The following APPBP2 variants were observed in gnomAD, a reference collection of about 807,000 sequenced individuals.
The protein encoded by APPBP2 is amyloid beta precursor protein binding protein 2.
Under a neutral mutation model 76.0 loss-of-function variants are expected in APPBP2, and 15 were observed. The ratio of observed to expected loss-of-function variants is 0.20; its 90% CI spans 0.13 to 0.30. APPBP2 has a LOEUF of 0.30. Among genes scored for constraint, APPBP2 ranks in the 10% least tolerant of loss-of-function variants. APPBP2 has a pLI of 1.00. For synonymous variants in APPBP2, 222 were observed against 242.2 expected (o/e 0.92, Z 0.77); for missense variants, 401 against 687.2 (o/e 0.58, Z 4.66).
In APPBP2 at chr17:60,447,524, C is replaced by T; in HGVS notation, c.*57G>A. 6.5e-7 allele frequency: 1 copy of T among 1,534,804 alleles called. No individual in the cohort carries two copies. Among genetic ancestry groups the T allele is most frequent in the Non-Finnish European group, 8.8e-7 (1 of 1,142,300 alleles). ...CCCCAAAACAACATGGTTTTGATTTCACAGTATGAATTCCCTGGAATCCGG... is the reference window on the plus strand; with the variant it reads ...CCCCAAAACAACATGGTTTTGATTTTACAGTATGAATTCCCTGGAATCCGG... On this transcript the variant is annotated 3_prime_UTR_variant, in exon 13 of 13. Coordinates refer to ENST00000083182, the MANE Select transcript of APPBP2 (RefSeq NM_006380.5).
chr17:60,469,399 G>A (rs1312914084), intron 4 of APPBP2, among the ~76,000 whole-genome samples: 2 of 149,224 alleles, frequency 1.3e-5, no homozygotes, highest in African/African-American at 5.1e-5. Flanking sequence ...AATAAAGACC[G>A]GTATGGGTTT....
intron 4 of APPBP2, among the ~76,000 whole-genome samples, chr17:60,469,059 C>G (rs1427121663): frequency 6.6e-6 from 1 of 151,898 alleles, no homozygotes; most frequent in African/African-American, 2.4e-5. Flanking sequence ...GTGTCTTTTT[C>G]TTAGAACTAG....
chr17:60,459,509 T>TTTTG (rs2090460040), intron 9 of APPBP2: 1 of 143,930 alleles, frequency 6.9e-6, no homozygotes, highest in African/African-American at 2.8e-5. Flanking sequence ...TTTTTTTTTT[T>TTTTG]GGAGACAGAG....
At chr17:60,510,825 C>T (rs549227919) in intron 1 of APPBP2, among the ~76,000 whole-genome samples, 37 of 152,230 alleles carry the variant, frequency 2.4e-4, no homozygotes, top group South Asian at 6.2e-4. Context: ...TTATCTGTTG[C>T]TTCATTAAAG....
At chr17:60,449,179 A>G (rs1157130374) in intron 12 of APPBP2, among the ~76,000 whole-genome samples, 1 of 152,206 alleles carries the variant, frequency 6.6e-6, no homozygotes, top group Non-Finnish European at 1.5e-5. Context: ...TGGGTTAGCA[A>G]CTCTTAAACT....
chr17:60,453,144 GTCT>G (rs1349573955), intron 11 of APPBP2, among the ~76,000 whole-genome samples: 4 of 152,020 alleles, frequency 2.6e-5, no homozygotes, highest in Admixed American at 6.6e-5. Context: ...AATCATATTT[GTCT>G]TTTTTATTTA....
At chr17:60,522,999 C>T (rs1473097496) in intron 1 of APPBP2, among the ~76,000 whole-genome samples, 3 of 151,964 alleles carry the variant, frequency 2.0e-5, no homozygotes, top group Admixed American at 6.6e-5. Context: ...TAATGCTTTA[C>T]GATTGTGCCT....
chr17:60,452,288 T>A (rs1014561194), intron 11 of APPBP2, among the ~76,000 whole-genome samples: 15 of 152,226 alleles, frequency 9.9e-5, no homozygotes, highest in African/African-American at 3.6e-4. Flanking sequence ...TGAAAACTTA[T>A]CCTGGTAATA....
intron 2 of APPBP2, among the ~76,000 whole-genome samples, chr17:60,497,528 T>C (rs930059375): frequency 1.3e-5 from 2 of 152,204 alleles, no homozygotes; most frequent in African/African-American, 4.8e-5. Flanking sequence ...GAATAAATGC[T>C]TGAGGTGATG....
At position 60,451,896 on chromosome 17, in the gene APPBP2, C is replaced by A; in HGVS notation, c.1488G>T (p.Leu496Phe). The A allele has an allele frequency of 6.2e-7, 1 of 1,607,722 alleles. No individual in the cohort carries two copies. The highest frequency in any genetic ancestry group is 8.5e-7 in the Non-Finnish European group (1 of 1,178,326). Residue 496 changes from leucine to phenylalanine, a missense_variant, in exon 12 of 13, where the codon TTG becomes TTT. By Grantham distance (22) the Leu-to-Phe change is conservative (BLOSUM62 0). Coordinates refer to ENST00000083182, the MANE Select transcript of APPBP2 (RefSeq NM_006380.5). Reference protein sequence around the residue: ...NQYENAEKLYLRSIAIGKKLF... With the variant: ...NQYENAEKLYFRSIAIGKKLF... ...GTAACATACCAATTGCTATAGATCG[C>A]AAATAAAGTTTCTCAGCATTTTCAT... is the stretch of plus-strand genomic sequence containing the variant.
chr17:60,526,179 C>T lies in APPBP2; in HGVS notation c.-248G>A, dbSNP rs780415630. ...AGCCAGGCCAAAAGCGTCACAATCCCGGTTCGAGAGGAACCCGGGTTCCGT... is the reference window on the plus strand; with the variant it reads ...AGCCAGGCCAAAAGCGTCACAATCCTGGTTCGAGAGGAACCCGGGTTCCGT... On this transcript the variant is annotated 5_prime_UTR_variant, in exon 1 of 13. Transcript: ENST00000083182. 1.4e-5 allele frequency: 7 copies of T among 496,316 alleles called. No individual in the cohort carries two copies. The highest frequency in any genetic ancestry group is 9.7e-5 in the African/African-American group (5 of 51,352). The allele number at this position is 496,316 out of a possible 1,614,324, so 30.7% of individuals were successfully genotyped here. A position where few individuals can be genotyped will look rare whatever the true frequency, so the allele number is the denominator to read the frequency against.
rs1439239428 is a variant in APPBP2 at position 60,464,119 on chromosome 17, ATTAT to A, written c.673-13_673-10del. 3.1e-6 allele frequency: 5 copies of A among 1,598,306 alleles called. No homozygotes were observed. Among genetic ancestry groups the A allele is most frequent in the Non-Finnish European group, 4.3e-6 (5 of 1,171,410 alleles). ...ATGCACCATTTGTATGCCTAAAAAA[ATTAT>A]TTATAGAAGAGACAGAACTGTGGTT... On this transcript the variant is annotated splice_polypyrimidine_tract_variant and intron_variant, in intron 5 of 12. Transcript: ENST00000083182.
In APPBP2 at chr17:60,515,712, G is replaced by A. The variant is rs553694805; in HGVS notation, c.138+10082C>T. Reference sequence around the variant, plus strand: ...GTGCACCAAGGTGCCCTGAGGCCCTGCTAGATATTCTTAATTTGAGAGAAA... The same window carrying A: ...GTGCACCAAGGTGCCCTGAGGCCCTACTAGATATTCTTAATTTGAGAGAAA... On this transcript the variant is annotated intron_variant, in intron 1 of 12. Transcript: ENST00000083182. Among the ~76,000 whole-genome samples, 235 of 152,310 alleles carry A rather than the reference G, an allele frequency of 1.5e-3. 1 individual carries two copies. Among genetic ancestry groups the A allele is most frequent in the Non-Finnish European group, 3.0e-3 (201 of 68,032 alleles).
At chr17:60,514,318 A>T (rs8079902) in intron 1 of APPBP2, among the ~76,000 whole-genome samples, 12,468 of 151,946 alleles carry the variant, frequency 0.082, 1,696 homozygotes, top group African/African-American at 0.28. Flanking sequence ...AAAAACCCAC[A>T]ATGGAGGCTA....
At chr17:60,500,155 C>T (rs554617508) in intron 2 of APPBP2, among the ~76,000 whole-genome samples, 26 of 151,950 alleles carry the variant, frequency 1.7e-4, no homozygotes, top group Non-Finnish European at 3.2e-4. Context: ...GGGACTAAGG[C>T]GCCTACCACC....
intron 2 of APPBP2, among the ~76,000 whole-genome samples, chr17:60,498,244 G>C (rs1286877495): frequency 6.6e-6 from 1 of 152,080 alleles, no homozygotes; most frequent in African/African-American, 2.4e-5. Context: ...AACTCAAAAA[G>C]CTAAACTTCC....
chr17:60,485,853 C>T (rs7214543), intron 3 of APPBP2, among the ~76,000 whole-genome samples: 12,459 of 152,092 alleles, frequency 0.082, 1,676 homozygotes, highest in African/African-American at 0.28. Flanking sequence ...ATAAATTTAC[C>T]TCTACACACA....
In APPBP2 at chr17:60,445,622, G is replaced by C. The variant is rs574969227; in HGVS notation, c.*1959C>G. ...TATATAGGCCCATGAGGATAGAGCT[G>C]AGTAACTTAAAAATGTTAGTCCTTG... On this transcript the variant is annotated 3_prime_UTR_variant, in exon 13 of 13. Coordinates refer to ENST00000083182, the MANE Select transcript of APPBP2 (RefSeq NM_006380.5). 1 of 152,274 alleles carries C rather than the reference G, an allele frequency of 6.6e-6. No individual in the cohort carries two copies. The highest frequency in any genetic ancestry group is 1.5e-5 in the Non-Finnish European group (1 of 67,980). The allele number at this position is 152,274 out of a possible 1,614,324, so 9.4% of individuals were successfully genotyped here.
chr17:60,459,890 C>T (rs1444310672), intron 9 of APPBP2: 2 of 152,228 alleles, frequency 1.3e-5, no homozygotes, highest in African/African-American at 4.8e-5. Flanking sequence ...AATCTGTAAA[C>T]TTTCCCATCA....
Sources: gnomAD v4.1 joint callset for allele counts (sites outside exome capture counted in the v4.1 genomes callset) on GRCh38, gnomAD v4.1.1 for gene constraint, MANE v1.5 for transcripts, NCBI Gene and HGNC (gene_info 2026-07-23, HGNC 2026-07-21) for gene names.